The following AFG1L variants were observed in gnomAD, a reference collection of about 807,000 sequenced individuals.
The protein encoded by AFG1L is AFG1 like ATPase, also known as AFG1-like ATPase.
In AFG1L, 53 loss-of-function variants were observed where a neutral mutation model predicts 62.2. That is an observed-to-expected ratio of 0.85 (90% CI 0.68 to 1.07). AFG1L has a LOEUF of 1.07. Among genes scored for constraint, AFG1L ranks in the 50% least tolerant of loss-of-function variants. AFG1L has a pLI of 0.00. For missense variants in AFG1L, 555 were observed against 590.5 expected, an observed-to-expected ratio of 0.94 and a Z score of 0.62; for synonymous variants, 228 against 210.3, an observed-to-expected ratio of 1.08 and a Z score of -0.73.
chr6:108,476,973 A>AGAACACAATGCCCAATCTCC (rs1773131741), intron 9 of AFG1L, 38 bp downstream of exon 9: 1 of 1,543,616 alleles, frequency 6.5e-7, no homozygotes, highest in Non-Finnish European at 9.0e-7. Context: ...GAATACATTT[A>AGAACACAATGCCCAATCTCC]GAACACAATG....
Position 108,522,404 on chromosome 6 carries a change from A to G in AFG1L, c.1425A>G (p.Glu475=), listed in dbSNP as rs1775159566. 2 of 1,612,108 alleles carry G rather than the reference A, an allele frequency of 1.2e-6. No homozygotes were observed. Among genetic ancestry groups the G allele is most frequent in the Non-Finnish European group, 1.7e-6 (2 of 1,178,500 alleles). ...TGCAGACTGAACAGTACTGGAATGA[A>G]GGAGACAGAACCAAGAAGTAACTGC... ...TEMQTEQYWN[E]GDRTKK Residue 475 remains glutamate, a synonymous_variant, in exon 13 of 13, where the codon GAA becomes GAG. Coordinates refer to ENST00000368977, the MANE Select transcript of AFG1L (RefSeq NM_145315.5).
chr6:108,519,851 C>T, intron 12 of AFG1L, 41 bp downstream of exon 12: 1 of 1,324,026 alleles, frequency 7.6e-7, no homozygotes, highest in South Asian at 1.3e-5. Context: ...TATAAAACAG[C>T]TTAATTGTTT....
intron 6 of AFG1L, among the ~76,000 whole-genome samples, chr6:108,390,642 T>A (rs1781012038): frequency 6.6e-6 from 1 of 152,234 alleles, no homozygotes; most frequent in African/African-American, 2.4e-5. Flanking sequence ...CTCCAGACGC[T>A]GTTTGCCTGG....
At chr6:108,394,170 CAG>C (rs1478869821) in intron 6 of AFG1L, among the ~76,000 whole-genome samples, 4 of 139,388 alleles carry the variant, frequency 2.9e-5, no homozygotes, top group Non-Finnish European at 6.2e-5. Flanking sequence ...CCTTTCTTTC[CAG>C]AGTCTCACTC....
intron 1 of AFG1L, among the ~76,000 whole-genome samples, chr6:108,310,699 G>A (rs1365925887): frequency 5.3e-5 from 8 of 151,010 alleles, no homozygotes; most frequent in African/African-American, 2.0e-4. Flanking sequence ...CTCAGCCTCC[G>A]GGGTAGCTGG....
rs770345565 is a variant in AFG1L at position 108,324,049 on chromosome 6, G to A, written c.363+1G>A. 6.3e-7 allele frequency: 1 copy of A among 1,597,752 alleles called. No homozygotes were observed. The highest frequency in any genetic ancestry group is 8.6e-7 in the Non-Finnish European group (1 of 1,166,850). On this transcript the variant is annotated splice_donor_variant, in intron 2 of 12. Coordinates refer to ENST00000368977, the MANE Select transcript of AFG1L (RefSeq NM_145315.5). LOFTEE classifies it high-confidence loss of function. ...AGAGGCAGAAGGCCTTTTTTCAAAG[G>A]TGAGGCTTGTGTGATATGAAAGATT...
intron 2 of AFG1L, among the ~76,000 whole-genome samples, chr6:108,343,091 G>C (rs940449110): frequency 4.6e-5 from 7 of 151,030 alleles, no homozygotes; most frequent in African/African-American, 1.7e-4. Flanking sequence ...TTGAGTTGGA[G>C]TCTTCCTCTG....
At chr6:108,419,808 A>G (rs1481786449) in intron 7 of AFG1L, among the ~76,000 whole-genome samples, 1 of 152,200 alleles carries the variant, frequency 6.6e-6, no homozygotes, top group African/African-American at 2.4e-5. Context: ...CAATGATAAG[A>G]AAATTTTTCC....
chr6:108,459,305 C>A (rs1772366873), intron 8 of AFG1L, among the ~76,000 whole-genome samples: 1 of 152,188 alleles, frequency 6.6e-6, no homozygotes, highest in Admixed American at 6.5e-5. Flanking sequence ...TCTATTTTCT[C>A]AGCCTCCTAA....
chr6:108,505,079 A>ATTTTTT (rs34326858), intron 10 of AFG1L, among the ~76,000 whole-genome samples: 2 of 142,890 alleles, frequency 1.4e-5, no homozygotes, highest in Non-Finnish European at 3.0e-5. Flanking sequence ...CTGAGCTTGG[A>ATTTTTT]TTTTTTTTTT....
At chr6:108,400,338 G>C (rs1283508989) in intron 6 of AFG1L, among the ~76,000 whole-genome samples, 1 of 151,462 alleles carries the variant, frequency 6.6e-6, no homozygotes, top group East Asian at 1.9e-4. Flanking sequence ...GTCATATATA[G>C]TTTTTATTAT....
chr6:108,449,147 C>CA (rs1199841068), intron 8 of AFG1L, among the ~76,000 whole-genome samples: 11 of 100,448 alleles, frequency 1.1e-4, no homozygotes, highest in Non-Finnish European at 1.9e-4. Flanking sequence ...GACCCTGTTT[C>CA]AAAAAAAAAA....
intron 2 of AFG1L, among the ~76,000 whole-genome samples, chr6:108,334,226 C>T (rs535232626): frequency 1.3e-5 from 2 of 152,258 alleles, no homozygotes; most frequent in South Asian, 2.1e-4. Flanking sequence ...AGGCTGGTCT[C>T]AAACTCCTGG....
intron 2 of AFG1L, among the ~76,000 whole-genome samples, chr6:108,343,775 G>A (rs912721453): frequency 6.6e-6 from 1 of 152,188 alleles, no homozygotes; most frequent in African/African-American, 2.4e-5. Context: ...GTTTTGAGTG[G>A]AGATTTAAGA....
intron 1 of AFG1L, among the ~76,000 whole-genome samples, chr6:108,315,798 A>G (rs116512842): frequency 6.6e-6 from 1 of 152,170 alleles, no homozygotes. Context: ...CTGTAATTCC[A>G]GATCTTTGGG....
chr6:108,402,179 CA>C (rs1438353531), intron 7 of AFG1L, 125 bp downstream of exon 7: 2 of 482,690 alleles, frequency 4.1e-6, no homozygotes, highest in African/African-American at 4.1e-5. Flanking sequence ...TAGTAATAGT[CA>C]GGGGCCGGGC....
At chr6:108,394,882 T>C (rs1697503736) in intron 6 of AFG1L, among the ~76,000 whole-genome samples, 1 of 152,234 alleles carries the variant, frequency 6.6e-6, no homozygotes, top group Admixed American at 6.5e-5. Flanking sequence ...GGCTATCAAC[T>C]CTTAACATAC....
rs560937804 is a variant in AFG1L, at chr6:108,453,743, C to T, written c.890+6447C>T. On this transcript the variant is annotated intron_variant, in intron 8 of 12. Coordinates refer to ENST00000368977, the MANE Select transcript of AFG1L (RefSeq NM_145315.5). The stretch of plus-strand genomic sequence containing the variant: ...ACTTTGGCTGAGACCCAGCTTCTGC[C>T]TCTAAGGTTGCCACCTTCTGGTTTA... Among the ~76,000 whole-genome samples, 4 of 152,330 alleles carry T rather than the reference C, an allele frequency of 2.6e-5. No homozygotes were observed. In the East Asian group the frequency reaches 7.7e-4, roughly 29 times the overall value.
At position 108,438,365 on chromosome 6, in the gene AFG1L, T is replaced by G. The variant is rs538432644; in HGVS notation, c.808-8849T>G. On this transcript the variant is annotated intron_variant, in intron 7 of 12. Coordinates refer to ENST00000368977, the MANE Select transcript of AFG1L (RefSeq NM_145315.5). Reference sequence around the variant, plus strand: ...CTTCTCACTGTGTTTTCACATGGCCTTTCTGTGGGGTACACACATAACTGT... The same window carrying G: ...CTTCTCACTGTGTTTTCACATGGCCGTTCTGTGGGGTACACACATAACTGT... Among the ~76,000 whole-genome samples the G allele has an allele frequency of 2.6e-5, 4 of 152,264 alleles. No homozygotes were observed. The East Asian group carries it at 7.7e-4, about 29-fold the overall frequency.
Sources: allele counts gnomAD v4.1 joint callset (sites outside exome capture counted in the v4.1 genomes callset), GRCh38; gene constraint gnomAD v4.1.1; transcripts MANE v1.5; gene names NCBI Gene and HGNC (gene_info 2026-07-23, HGNC 2026-07-21).